LINGO1: variants seen among roughly 807,000 people sequenced by gnomAD.
LINGO1 encodes the protein leucine-rich repeat and immunoglobulin-like domain-containing nogo receptor-interacting protein 1.
A neutral mutation model predicts 37.3 loss-of-function variants in LINGO1; 11 were observed. That is an observed-to-expected ratio of 0.29 (90% CI 0.19 to 0.49). LINGO1 has a LOEUF of 0.49. Among genes scored for constraint, LINGO1 ranks in the 20% least tolerant of loss-of-function variants. The probability of loss-of-function intolerance (pLI) is 0.99; values close to 1 mark genes in which losing one functional copy is unlikely to be tolerated. For synonymous variants in LINGO1, 387 were observed against 403.0 expected (o/e 0.96, Z 0.48); for missense variants, 585 against 878.2 (o/e 0.67, Z 4.22).
At chr15:77,794,571 C>CACATAT (rs1361182951) in intron 2 of LINGO1, among the ~76,000 whole-genome samples, 2 of 43,326 alleles carry the variant, frequency 4.6e-5, no homozygotes, top group African/African-American at 1.4e-4. Context: ...TACACACACA[C>CACATAT]ATATATATAT....
chr15:77,809,500 G>A lies in LINGO1; in HGVS notation c.-458+10758C>T, dbSNP rs541144010. Among the ~76,000 whole-genome samples, 7 of 152,206 alleles carry A rather than the reference G, an allele frequency of 4.6e-5. No individual in the cohort carries two copies. The East Asian group carries it at 1.3e-3, about 29-fold the overall frequency. On this transcript the variant is annotated intron_variant, in intron 1 of 5. Coordinates refer to the LINGO1 transcript ENST00000562933. ...GTAACGTTCTTCCAGGTCCCTCTGG[G>A]ATCTAGCATATAGTCACTGTGGGAA...
intron 1 of LINGO1, among the ~76,000 whole-genome samples, chr15:77,617,034 C>G (rs2073750130): frequency 1.3e-5 from 2 of 152,174 alleles, no homozygotes. Flanking sequence ...CCAGGCAACC[C>G]TGGAGGAGTG....
At chr15:77,704,385 C>G (rs2075822361) in intron 2 of LINGO1, among the ~76,000 whole-genome samples, 1 of 152,188 alleles carries the variant, frequency 6.6e-6, no homozygotes, top group Non-Finnish European at 1.5e-5. Flanking sequence ...ATACTGAACC[C>G]CGACCCTGAT....
chr15:77,750,828 G>C (rs2141366104), intron 1 of LINGO1, among the ~76,000 whole-genome samples: 1 of 152,326 alleles, frequency 6.6e-6, no homozygotes, highest in South Asian at 2.1e-4. Flanking sequence ...TATTAGGTGA[G>C]CCCCTACTAC....
At chr15:77,653,282 G>C (rs1317779442) in intron 3 of LINGO1, among the ~76,000 whole-genome samples, 1 of 152,210 alleles carries the variant, frequency 6.6e-6, no homozygotes, top group Non-Finnish European at 1.5e-5. Context: ...CTTGCCTGCT[G>C]TTCTTTCCCC....
At chr15:77,677,882 C>G (rs1816586665) in intron 2 of LINGO1, among the ~76,000 whole-genome samples, 1 of 152,230 alleles carries the variant, frequency 6.6e-6, no homozygotes, top group South Asian at 2.1e-4. Context: ...TCTGCCTATG[C>G]CCTCAGTGGC....
chr15:77,743,215 C>T (rs2076282307), intron 1 of LINGO1, among the ~76,000 whole-genome samples: 1 of 152,148 alleles, frequency 6.6e-6, no homozygotes, highest in Non-Finnish European at 1.5e-5. Context: ...GCACCTTTCC[C>T]TCCTCCCTCC....
At chr15:77,726,744 T>C (rs1009599428) in intron 2 of LINGO1, among the ~76,000 whole-genome samples, 2 of 152,094 alleles carry the variant, frequency 1.3e-5, no homozygotes, top group African/African-American at 4.8e-5. Flanking sequence ...AATAGACAAA[T>C]GGGACTACAT....
At chr15:77,664,175 G>C in intron 3 of LINGO1, among the ~76,000 whole-genome samples, 1 of 134,816 alleles carries the variant, frequency 7.4e-6, no homozygotes, top group Admixed American at 6.8e-5. Flanking sequence ...GTGTGTGCGC[G>C]CGCGCATGCG....
At chr15:77,688,796 G>A (rs779344211) in intron 2 of LINGO1, among the ~76,000 whole-genome samples, 1 of 152,260 alleles carries the variant, frequency 6.6e-6, no homozygotes, top group Non-Finnish European at 1.5e-5. Flanking sequence ...AGAAGCCACA[G>A]ACAAGGTTAT....
At chr15:77,754,022 AG>A (rs1382607025) in intron 1 of LINGO1, among the ~76,000 whole-genome samples, 1 of 152,136 alleles carries the variant, frequency 6.6e-6, no homozygotes, top group Non-Finnish European at 1.5e-5. Flanking sequence ...GAGAAGACAA[AG>A]AAGGCATTTG....
chr15:77,716,445 C>T (rs1414758408), intron 2 of LINGO1, among the ~76,000 whole-genome samples: 2 of 149,504 alleles, frequency 1.3e-5, no homozygotes, highest in African/African-American at 2.4e-5. Flanking sequence ...CACACCCAGC[C>T]GGGCCCTCTC....
At chr15:77,796,572 C>T (rs57112407) in intron 1 of LINGO1, among the ~76,000 whole-genome samples, 38,469 of 152,266 alleles carry the variant, frequency 0.25, 5,857 homozygotes, top group South Asian at 0.49. Flanking sequence ...TGCCTTCCTC[C>T]CCAGCCAGTT....
At chr15:77,650,343 C>T (rs959328083) in intron 3 of LINGO1, among the ~76,000 whole-genome samples, 4 of 152,114 alleles carry the variant, frequency 2.6e-5, no homozygotes, top group Admixed American at 6.6e-5. Flanking sequence ...TATTATGTGT[C>T]GAAAGGAGTG....
At chr15:77,722,417 G>A (rs565593416) in intron 2 of LINGO1, among the ~76,000 whole-genome samples, 46 of 152,340 alleles carry the variant, frequency 3.0e-4, no homozygotes, top group African/African-American at 1.0e-3. Flanking sequence ...GCCTGGCAGA[G>A]GAAAGAGGAA....
chr15:77,656,556 G>A (rs936073310), intron 3 of LINGO1, among the ~76,000 whole-genome samples: 8 of 152,124 alleles, frequency 5.3e-5, no homozygotes, highest in Non-Finnish European at 4.4e-5. Context: ...GGGGCCTTGG[G>A]GTCTGGGGCT....
intron 3 of LINGO1, chr15:77,642,107 C>A (rs750860763): frequency 2.5e-6 from 1 of 407,022 alleles, no homozygotes; most frequent in African/African-American, 2.0e-5. Flanking sequence ...GGCGCTCCTC[C>A]ACCTCTGCCT....
At chr15:77,691,320 G>A (rs777094993) in intron 1 of LINGO1, among the ~76,000 whole-genome samples, 1 of 152,144 alleles carries the variant, frequency 6.6e-6, no homozygotes, top group Admixed American at 6.5e-5. Context: ...GGATTTGCCC[G>A]AGGTCACACA....
chr15:77,816,110 T>C (rs968165622), intron 1 of LINGO1, among the ~76,000 whole-genome samples: 15 of 152,306 alleles, frequency 9.8e-5, no homozygotes, highest in Admixed American at 9.1e-4. Context: ...AGTCCCCTCC[T>C]TCTGAAACAG....
Sources: gnomAD v4.1 joint callset for allele counts (sites outside exome capture counted in the v4.1 genomes callset) on GRCh38, gnomAD v4.1.1 for gene constraint, MANE v1.5 for transcripts, NCBI Gene and HGNC (gene_info 2026-07-23, HGNC 2026-07-21) for gene names.